Variants in CNTN3 observed in about 807,000 individuals in gnomAD.
CNTN3 encodes contactin 3.
CNTN3 carries 60 observed loss-of-function variants against 119.1 expected under a neutral mutation model. That is an observed-to-expected ratio of 0.50 (90% confidence interval 0.41 to 0.62). The LOEUF (loss-of-function observed/expected upper bound fraction) is 0.62, where lower values mean the gene tolerates loss of function less well. Ranked by LOEUF, CNTN3 falls within the 20% of genes least tolerant of loss-of-function variation. CNTN3 has a pLI of 0.00. For synonymous variants in CNTN3, 450 were observed against 438.7 expected (o/e 1.03, Z -0.32); for missense variants, 1,101 against 1,242.4 (o/e 0.89, Z 1.71).
At chr3:74,571,523 A>G (rs78409335) in intron 1 of CNTN3, among the ~76,000 whole-genome samples, 5,670 of 152,262 alleles carry the variant, frequency 0.037, 135 homozygotes, top group South Asian at 0.07. Context: ...TAACATGAGA[A>G]TTCTTCCATT....
At chr3:74,275,698 A>C (rs669034) in intron 20 of CNTN3, among the ~76,000 whole-genome samples, 33,308 of 152,072 alleles carry the variant, frequency 0.22, 4,271 homozygotes, top group African/African-American at 0.36. Context: ...ACCTATAAAA[A>C]AAAAATACAA....
intron 4 of CNTN3, among the ~76,000 whole-genome samples, chr3:74,446,984 AG>A (rs973066192): frequency 1.3e-5 from 2 of 152,212 alleles, no homozygotes; most frequent in Non-Finnish European, 2.9e-5. Flanking sequence ...AAAGTTTCAA[AG>A]ACGTTTTTCT....
intron 1 of CNTN3, among the ~76,000 whole-genome samples, chr3:74,551,514 T>C (rs1401084042): frequency 3.3e-5 from 5 of 152,006 alleles, no homozygotes; most frequent in African/African-American, 1.2e-4. Flanking sequence ...ACATTAGGGT[T>C]CACTCTCGGT....
chr3:74,489,514 T>G (rs1280800727), intron 3 of CNTN3, among the ~76,000 whole-genome samples: 1 of 151,170 alleles, frequency 6.6e-6, no homozygotes, highest in Non-Finnish European at 1.5e-5. Flanking sequence ...ATTTATGAAG[T>G]GTCTATACTG....
intron 20 of CNTN3, among the ~76,000 whole-genome samples, chr3:74,278,652 A>C (rs1405413035): frequency 1.3e-5 from 2 of 152,242 alleles, no homozygotes; most frequent in Non-Finnish European, 2.9e-5. Context: ...AACTACAAAA[A>C]TTCTAGAAGA....
intron 4 of CNTN3, among the ~76,000 whole-genome samples, chr3:74,458,296 T>C (rs1702305163): frequency 6.6e-6 from 1 of 152,020 alleles, no homozygotes; most frequent in Non-Finnish European, 1.5e-5. Context: ...TACCTGGGGC[T>C]AATGGTTTCA....
chr3:74,350,278 G>T (rs934618509), intron 11 of CNTN3, among the ~76,000 whole-genome samples: 1 of 152,126 alleles, frequency 6.6e-6, no homozygotes, highest in African/African-American at 2.4e-5. Flanking sequence ...AAACAGTTAA[G>T]TAATAATAAA....
intron 3 of CNTN3, among the ~76,000 whole-genome samples, chr3:74,487,343 C>T (rs186005451): frequency 9.7e-4 from 147 of 152,172 alleles, no homozygotes; most frequent in African/African-American, 3.1e-3. Context: ...TATCACAGTA[C>T]TTCACCTTTA....
chr3:74,567,232 C>T (rs1036327827), intron 1 of CNTN3, among the ~76,000 whole-genome samples: 2 of 151,854 alleles, frequency 1.3e-5, no homozygotes, highest in African/African-American at 4.8e-5. Flanking sequence ...CCTTGACTTC[C>T]CAGGCTCAAG....
intron 3 of CNTN3, 33 bp from the exon 4 acceptor site, chr3:74,486,664 A>T: frequency 9.5e-6 from 14 of 1,478,896 alleles, no homozygotes; most frequent in Non-Finnish European, 1.2e-5. Flanking sequence ...CCCCCCCCTT[A>T]GTATTTTTAA....
intron 20 of CNTN3, among the ~76,000 whole-genome samples, chr3:74,284,328 C>CATAAAGTTAGTTA (rs1702068970): frequency 6.6e-6 from 1 of 152,118 alleles, no homozygotes; most frequent in South Asian, 2.1e-4. Context: ...GTTAAGCAAA[C>CATAAAGTTAGTTA]ATTTTTATTA....
At chr3:74,542,699 A>C (rs1703858574) in intron 1 of CNTN3, among the ~76,000 whole-genome samples, 1 of 152,168 alleles carries the variant, frequency 6.6e-6, no homozygotes, top group Admixed American at 6.5e-5. Flanking sequence ...AACAGTGTAA[A>C]TTTGTCAATC....
intron 13 of CNTN3, among the ~76,000 whole-genome samples, chr3:74,305,447 A>G (rs1559693235): frequency 6.6e-6 from 1 of 152,156 alleles, no homozygotes; most frequent in African/African-American, 2.4e-5. Context: ...ACCAAAAGAC[A>G]TTTTTTACAA....
intron 12 of CNTN3, among the ~76,000 whole-genome samples, chr3:74,335,480 TG>T (rs1401387871): frequency 7.2e-5 from 11 of 152,160 alleles, no homozygotes; most frequent in Admixed American, 2.6e-4. Context: ...TCCTTCCATT[TG>T]TCTATCATGA....
intron 1 of CNTN3, among the ~76,000 whole-genome samples, chr3:74,577,637 A>C (rs1242512890): frequency 6.6e-6 from 1 of 152,006 alleles, no homozygotes; most frequent in Non-Finnish European, 1.5e-5. Flanking sequence ...GTTCTTGATT[A>C]GTAGCATTTG....
chr3:74,499,940 G>A (rs535381707), intron 2 of CNTN3, among the ~76,000 whole-genome samples, 155 bp from the exon 3 acceptor site: 2 of 152,080 alleles, frequency 1.3e-5, no homozygotes, highest in South Asian at 2.1e-4. Flanking sequence ...TTTGTTAAAG[G>A]AAATCAATTA....
intron 1 of CNTN3, among the ~76,000 whole-genome samples, chr3:74,583,567 T>C (rs1427954936): frequency 6.6e-6 from 1 of 152,090 alleles, no homozygotes; most frequent in Non-Finnish European, 1.5e-5. Flanking sequence ...CGTGGGGAAC[T>C]GGGGAGATAG....
chr3:74,266,507 T>A lies in CNTN3; in HGVS notation c.2960A>T (p.Glu987Val). ...TTDGGDGTSS[E>V]QIRIPRITSM... ...GGTTATTCGTGGAATCCTGATCTGT[T>A]CACTACTGGTCCCATCCCCTCCATC... Residue 987 changes from glutamate to valine, a missense_variant, in exon 22 of 23, where the codon GAA (glutamate) becomes GTA (valine). Glu to Val is a moderately radical substitution (Grantham distance 121). Coordinates refer to ENST00000263665, the MANE Select transcript of CNTN3 (RefSeq NM_020872.3). 1.2e-6 allele frequency: 2 copies of A among 1,613,438 alleles called. No individual in the cohort carries two copies. The highest frequency in any genetic ancestry group is 1.7e-6 in the Non-Finnish European group (2 of 1,179,488).
At chr3:74,496,578 G>A (rs1703068055) in intron 3 of CNTN3, among the ~76,000 whole-genome samples, 1 of 151,770 alleles carries the variant, frequency 6.6e-6, no homozygotes, top group Admixed American at 6.6e-5. Context: ...GGCATCAGCA[G>A]CAGCGACCAG....
Sources: allele counts gnomAD v4.1 joint callset (sites outside exome capture counted in the v4.1 genomes callset), GRCh38; gene constraint gnomAD v4.1.1; transcripts MANE v1.5; gene names NCBI Gene and HGNC (gene_info 2026-07-23, HGNC 2026-07-21).